The following DPP10 variants were observed in gnomAD, a reference collection of about 807,000 sequenced individuals.
DPP10 encodes the protein dipeptidyl peptidase like 10.
Under a neutral mutation model 120.9 loss-of-function variants are expected in DPP10, and 33 were observed. That is an observed-to-expected ratio of 0.27 (90% CI 0.21 to 0.37). The LOEUF (loss-of-function observed/expected upper bound fraction) is 0.37. DPP10 is among the 10% of genes least tolerant of loss of function. The pLI, the probability that DPP10 is intolerant of heterozygous loss-of-function variation, is 1.00. For synonymous variants in DPP10, 337 were observed against 326.1 expected (o/e 1.03, Z -0.36); for missense variants, 816 against 942.8 (o/e 0.87, Z 1.76).
intron 3 of DPP10, among the ~76,000 whole-genome samples, chr2:115,348,271 G>A (rs1333790991): frequency 1.3e-5 from 2 of 152,042 alleles, no homozygotes; most frequent in African/African-American, 2.4e-5. Flanking sequence ...TCATGTAGTG[G>A]TAACTTATAC....
chr2:114,950,136 T>C lies in DPP10; in HGVS notation c.61-359103T>C, dbSNP rs1345284995. On this transcript the variant is annotated intron_variant, in intron 1 of 25. Transcript: ENST00000410059. ...TATCTTTCCTAACTAGCTATAACTATAGTAATGTAATGCAAGCCTATCTTG... is the reference window on the plus strand; with the variant it reads ...TATCTTTCCTAACTAGCTATAACTACAGTAATGTAATGCAAGCCTATCTTG... Among the ~76,000 whole-genome samples the C allele has an allele frequency of 2.0e-5, 3 of 152,180 alleles. 1 individual carries two copies. The highest frequency in any genetic ancestry group is 3.8e-4 in the East Asian group (2 of 5,196).
chr2:115,119,152 G>A (rs1207911248), intron 1 of DPP10, among the ~76,000 whole-genome samples: 3 of 152,106 alleles, frequency 2.0e-5, no homozygotes, highest in Non-Finnish European at 4.4e-5. Context: ...GTAGTACTTA[G>A]GAGGGGCTGC....
rs142192564 is a variant in DPP10, at chr2:115,354,995, G to A, written c.271+11083G>A. Among the ~76,000 whole-genome samples, 50 of 152,276 alleles carry A rather than the reference G, an allele frequency of 3.3e-4. No homozygotes were observed. In the East Asian group the frequency reaches 8.7e-3, roughly 26 times the overall value. On this transcript the variant is annotated intron_variant, in intron 3 of 25. Transcript: ENST00000410059. ...TTCCATGACTTTGCTGTTGTAAATAGTGCTGCAATAAACATACGCTTGCAT... is the reference window on the plus strand; with the variant it reads ...TTCCATGACTTTGCTGTTGTAAATAATGCTGCAATAAACATACGCTTGCAT...
At chr2:114,657,583 A>G (rs2105523263) in intron 1 of DPP10, among the ~76,000 whole-genome samples, 1 of 152,320 alleles carries the variant, frequency 6.6e-6, no homozygotes, top group South Asian at 2.1e-4. Flanking sequence ...AGCATAACCC[A>G]TCGTGAGAAG....
At chr2:115,787,849 T>G (rs1683513426) in intron 17 of DPP10, among the ~76,000 whole-genome samples, 1 of 152,116 alleles carries the variant, frequency 6.6e-6, no homozygotes, top group African/African-American at 2.4e-5. Context: ...CATCCACATA[T>G]TATGCACATA....
chr2:115,102,682 T>A (rs1488504989), intron 1 of DPP10, among the ~76,000 whole-genome samples: 1 of 151,874 alleles, frequency 6.6e-6, no homozygotes, highest in Non-Finnish European at 1.5e-5. Flanking sequence ...GTGCCGGGAT[T>A]AGAGGCGTGA....
chr2:115,064,500 A>AC (rs1293409398), intron 1 of DPP10: 1 of 319,938 alleles, frequency 3.1e-6, no homozygotes, highest in African/African-American at 2.1e-5. Flanking sequence ...ATTTATCTAC[A>AC]CACATCTGTT....
intron 1 of DPP10, among the ~76,000 whole-genome samples, chr2:115,204,227 G>A (rs1215340236): frequency 2.6e-5 from 4 of 152,122 alleles, no homozygotes; most frequent in Non-Finnish European, 5.9e-5. Context: ...CTAAGTGACC[G>A]CTTTTAGTTT....
intron 1 of DPP10, among the ~76,000 whole-genome samples, chr2:114,991,932 G>A (rs1402489792): frequency 6.6e-6 from 1 of 152,174 alleles, no homozygotes; most frequent in African/African-American, 2.4e-5. Flanking sequence ...TGGGCTGTGA[G>A]GTTTACAAGA....
chr2:115,213,710 A>G (rs1483696545), intron 1 of DPP10, among the ~76,000 whole-genome samples: 1 of 152,098 alleles, frequency 6.6e-6, no homozygotes, highest in Non-Finnish European at 1.5e-5. Flanking sequence ...ACTAATATGC[A>G]TATGCTTAAT....
rs141718473 is a variant in DPP10, at chr2:115,412,785, C to T, written c.271+68873C>T. Among the ~76,000 whole-genome samples the T allele has an allele frequency of 5.2e-3, 794 of 152,168 alleles. 13 individuals carry two copies. The highest frequency in any genetic ancestry group is 0.017 in the African/African-American group (726 of 41,530). ...TTTGAGAGAAACAAAACCTTTAACT[C>T]TTACTGAGAGGGAAGATGAATTTTC... On this transcript the variant is annotated intron_variant, in intron 3 of 25. Transcript: ENST00000410059.
intron 1 of DPP10, among the ~76,000 whole-genome samples, chr2:114,983,789 A>G (rs1021121510): frequency 6.6e-6 from 1 of 152,168 alleles, no homozygotes; most frequent in African/African-American, 2.4e-5. Context: ...TAATTCATCT[A>G]ATTCTCATAG....
chr2:114,503,958 G>A (rs1337480068), intron 1 of DPP10, among the ~76,000 whole-genome samples: 2 of 152,160 alleles, frequency 1.3e-5, no homozygotes, highest in Non-Finnish European at 2.9e-5. Context: ...AGAATCACAA[G>A]TAGTAAAGAG....
chr2:114,912,974 T>C (rs1694488578), intron 1 of DPP10, among the ~76,000 whole-genome samples: 1 of 152,208 alleles, frequency 6.6e-6, no homozygotes, highest in Non-Finnish European at 1.5e-5. Flanking sequence ...TTAGCCTGTG[T>C]TGGCTGCTAA....
intron 1 of DPP10, among the ~76,000 whole-genome samples, chr2:115,245,576 C>T (rs1574147311): frequency 1.3e-5 from 2 of 152,104 alleles, no homozygotes; most frequent in South Asian, 2.1e-4. Context: ...ATGGAGCTTC[C>T]CTAAAAAACC....
At chr2:114,541,034 A>C (rs895221808) in intron 1 of DPP10, among the ~76,000 whole-genome samples, 1 of 152,198 alleles carries the variant, frequency 6.6e-6, no homozygotes, top group African/African-American at 2.4e-5. Context: ...TTAAGAGACA[A>C]ATAGATATAT....
At chr2:114,960,575 A>G (rs896554633) in intron 1 of DPP10, among the ~76,000 whole-genome samples, 6 of 152,184 alleles carry the variant, frequency 3.9e-5, no homozygotes, top group African/African-American at 7.2e-5. Flanking sequence ...TATAATTTTA[A>G]GTTTTTCGCT....
chr2:115,757,927 C>T (rs952922781), intron 11 of DPP10, among the ~76,000 whole-genome samples: 26 of 151,832 alleles, frequency 1.7e-4, no homozygotes, highest in Non-Finnish European at 2.2e-4. Context: ...CATAAAGTAC[C>T]CCCTTACTGA....
chr2:115,603,122 CTGTGTGTG>C (rs61161169), intron 5 of DPP10, among the ~76,000 whole-genome samples: 25,146 of 143,498 alleles, frequency 0.18, 2,274 homozygotes, highest in East Asian at 0.31. Context: ...ATAAATAAAA[CTGTGTGTG>C]TGTGTGTGTG....
Sources: allele counts gnomAD v4.1 joint callset (sites outside exome capture counted in the v4.1 genomes callset), GRCh38; gene constraint gnomAD v4.1.1; transcripts MANE v1.5; gene names NCBI Gene and HGNC (gene_info 2026-07-23, HGNC 2026-07-21).